The following TGFBR2 variants were observed in gnomAD, a reference collection of about 807,000 sequenced individuals.
TGFBR2 encodes the protein transforming growth factor beta receptor 2.
TGFBR2 carries 18 observed loss-of-function variants against 49.0 expected under a neutral mutation model. The observed-to-expected ratio is 0.37, with a 90% confidence interval of 0.25 to 0.54. The LOEUF (loss-of-function observed/expected upper bound fraction) is 0.54, where lower values mean the gene tolerates loss of function less well. TGFBR2 is among the 20% of genes least tolerant of loss of function. The pLI is 0.85. For missense variants in TGFBR2, 525 were observed against 722.6 expected, an observed-to-expected ratio of 0.73 and a Z score of 3.13; for synonymous variants, 282 against 275.9, an observed-to-expected ratio of 1.02 and a Z score of -0.22.
chr3:30,617,508 C>G (rs1241092214), intron 1 of TGFBR2, among the ~76,000 whole-genome samples: 1 of 152,158 alleles, frequency 6.6e-6, no homozygotes, highest in South Asian at 2.1e-4. Flanking sequence ...ATCTAACAAT[C>G]TCAATACCCC....
Position 30,606,773 on chromosome 3 carries a change from G to A in TGFBR2, c.-111G>A. 1.3e-6 allele frequency: 1 copy of A among 784,520 alleles called. No individual in the cohort carries two copies. Among genetic ancestry groups the A allele is most frequent in the Admixed American group, 4.3e-5 (1 of 23,072 alleles). The allele number at this position is 784,520 out of a possible 1,614,324, so 48.6% of individuals were successfully genotyped here. A position where few individuals can be genotyped will look rare whatever the true frequency, so the allele number is the denominator to read the frequency against. On this transcript the variant is annotated 5_prime_UTR_variant, in exon 1 of 7. Transcript: ENST00000295754. ...ATCTGGCCCGCACATCTGCGCTGCC[G>A]GCCCGGCGCGGGGTCCGGAGAGGGC...
rs1699368971 is a variant in TGFBR2 at position 30,672,882 on chromosome 3, G to C, written c.1254+445G>C. On this transcript the variant is annotated intron_variant, in intron 4 of 6. Coordinates refer to ENST00000295754, the MANE Select transcript of TGFBR2 (RefSeq NM_003242.6). The surrounding 1 kb of genome is among the most constrained non-coding windows in gnomAD (Gnocchi z 4.5). ...TGAAGTCCAAATCTACATCCACATG[G>C]TCACCCAAGATATGTAGCACAATGC... 6.6e-6 allele frequency among the ~76,000 whole-genome samples: 1 copy of C among 152,154 alleles called. No homozygotes were observed. The highest frequency in any genetic ancestry group is 2.4e-5 in the African/African-American group (1 of 41,418).
intron 5 of TGFBR2, among the ~76,000 whole-genome samples, chr3:30,683,959 A>C (rs1306259315): frequency 6.6e-6 from 1 of 152,192 alleles, no homozygotes; most frequent in Non-Finnish European, 1.5e-5. Flanking sequence ...GGTTCAGGCT[A>C]TCTCTGGCCA....
chr3:30,625,352 A>T (rs1170827183), intron 1 of TGFBR2, among the ~76,000 whole-genome samples: 2 of 152,220 alleles, frequency 1.3e-5, no homozygotes, highest in Non-Finnish European at 2.9e-5. Flanking sequence ...ACAACTGTTA[A>T]TTCTGATCTA....
At chr3:30,609,025 C>G (rs1008303871) in intron 1 of TGFBR2, among the ~76,000 whole-genome samples, 2 of 152,166 alleles carry the variant, frequency 1.3e-5, no homozygotes, top group Non-Finnish European at 2.9e-5. Context: ...CCCAATAGTT[C>G]ACGAGTCACT....
At position 30,693,939 on chromosome 3, in the gene TGFBR2, T is replaced by C. The variant is rs886058328; in HGVS notation, c.*2340T>C. 4.8e-5 allele frequency: 11 copies of C among 231,190 alleles called. No individual in the cohort carries two copies. The highest frequency in any genetic ancestry group is 1.3e-3 in the Middle Eastern group (1 of 776). The allele number at this position is 231,190 out of a possible 1,614,324, so 14.3% of individuals were successfully genotyped here. ...ACTATACATAAAGGGAAAGTTTTATTCTTTTATGGAACACTTCAGCTGTAC... is the reference window on the plus strand; with the variant it reads ...ACTATACATAAAGGGAAAGTTTTATCCTTTTATGGAACACTTCAGCTGTAC... On this transcript the variant is annotated 3_prime_UTR_variant, in exon 7 of 7. Coordinates refer to ENST00000295754, the MANE Select transcript of TGFBR2 (RefSeq NM_003242.6).
At chr3:30,668,458 A>C (rs1699280460) in intron 3 of TGFBR2, among the ~76,000 whole-genome samples, 1 of 152,224 alleles carries the variant, frequency 6.6e-6, no homozygotes, top group South Asian at 2.1e-4. Flanking sequence ...GGAAGTGGTA[A>C]GCCTAAGTGG....
chr3:30,616,120 T>C (rs1698127972), intron 1 of TGFBR2, among the ~76,000 whole-genome samples: 1 of 152,168 alleles, frequency 6.6e-6, no homozygotes, highest in African/African-American at 2.4e-5. Context: ...TTTTGTATTC[T>C]TCTTCTTAAA....
At chr3:30,682,373 G>A (rs562579829) in intron 5 of TGFBR2, among the ~76,000 whole-genome samples, 3 of 152,324 alleles carry the variant, frequency 2.0e-5, no homozygotes, top group African/African-American at 7.2e-5. Context: ...CTTTTGAAGT[G>A]CTAAACTCAG....
chr3:30,653,715 C>CT (rs1698943342), intron 3 of TGFBR2, among the ~76,000 whole-genome samples: 1 of 151,964 alleles, frequency 6.6e-6, no homozygotes, highest in African/African-American at 2.4e-5. Context: ...GTACATCTAC[C>CT]TTTTTTAATA....
intron 4 of TGFBR2, among the ~76,000 whole-genome samples, chr3:30,673,767 AT>A (rs1445832198): frequency 6.6e-6 from 1 of 152,220 alleles, no homozygotes; most frequent in Non-Finnish European, 1.5e-5. Flanking sequence ...AACATTTAAA[AT>A]ATCACAAATA....
intron 3 of TGFBR2, among the ~76,000 whole-genome samples, chr3:30,669,477 G>T (rs1699302057): frequency 6.6e-6 from 1 of 152,124 alleles, no homozygotes; most frequent in Non-Finnish European, 1.5e-5. Context: ...CGGGCCAGTG[G>T]TGAATGTGCT....
chr3:30,663,237 TAC>T (rs1472484882), intron 3 of TGFBR2, among the ~76,000 whole-genome samples: 3 of 152,228 alleles, frequency 2.0e-5, no homozygotes, highest in Non-Finnish European at 4.4e-5. Context: ...TTCACATATA[TAC>T]ATCTAAATAT....
intron 2 of TGFBR2, 59 bp downstream of exon 2, chr3:30,644,974 C>A: frequency 1.4e-6 from 2 of 1,459,050 alleles, no homozygotes; most frequent in South Asian, 1.2e-5. Context: ...AATGTATTCT[C>A]ATAGTACACA....
intron 1 of TGFBR2, among the ~76,000 whole-genome samples, chr3:30,620,791 G>T (rs887704944): frequency 6.6e-6 from 1 of 152,112 alleles, no homozygotes; most frequent in Admixed American, 6.6e-5. Context: ...CATTGGGATT[G>T]CTGGAATAGG....
chr3:30,650,127 C>T (rs1380293524), intron 2 of TGFBR2, 143 bp from the exon 3 acceptor site: 46 of 801,636 alleles, frequency 5.7e-5, no homozygotes, highest in East Asian at 2.0e-4. Flanking sequence ...TGCTGGAGAA[C>T]AGGAACCAGC....
In TGFBR2 at chr3:30,671,688, G is replaced by C. The variant is rs759362407; in HGVS notation, c.505G>C (p.Gly169Arg). Residue 169 changes from glycine (G) to arginine (R), a missense_variant, in exon 4 of 7, where the codon GGC (glycine) becomes CGC (arginine). By Grantham distance (125) the Gly-to-Arg change is moderately radical. Coordinates refer to ENST00000295754, the MANE Select transcript of TGFBR2 (RefSeq NM_003242.6). ...DLLLVIFQVT[G>R]ISLLPPLGVA... is the part of the protein sequence containing the mutation. Reference sequence around the variant, plus strand: ...GTTGCTAGTCATATTTCAAGTGACAGGCATCAGCCTCCTGCCACCACTGGG... The same window carrying C: ...GTTGCTAGTCATATTTCAAGTGACACGCATCAGCCTCCTGCCACCACTGGG... 1.9e-6 allele frequency: 3 copies of C among 1,614,076 alleles called. No homozygotes were observed. Among genetic ancestry groups the C allele is most frequent in the Non-Finnish European group, 2.5e-6 (3 of 1,180,028 alleles).
intron 5 of TGFBR2, among the ~76,000 whole-genome samples, chr3:30,685,390 G>A (rs1253705337): frequency 2.6e-5 from 4 of 152,220 alleles, no homozygotes; most frequent in Non-Finnish European, 5.9e-5. Flanking sequence ...TAGGGAGAGA[G>A]GAGAAAGCAC....
At chr3:30,664,774 C>A (rs1699215177) in intron 3 of TGFBR2, among the ~76,000 whole-genome samples, 1 of 152,218 alleles carries the variant, frequency 6.6e-6, no homozygotes, top group Admixed American at 6.5e-5. Context: ...CTCCCTAATC[C>A]ACTATTTTAA....
Sources: allele counts gnomAD v4.1 joint callset (sites outside exome capture counted in the v4.1 genomes callset), GRCh38; gene constraint gnomAD v4.1.1; non-coding constraint Gnocchi (gnomAD v3.1); transcripts MANE v1.5; gene names NCBI Gene and HGNC (gene_info 2026-07-23, HGNC 2026-07-21).